Variants in OPHN1 observed in about 807,000 individuals in gnomAD.
OPHN1 encodes oligophrenin-1.
In OPHN1, 11 loss-of-function variants were observed where a neutral mutation model predicts 60.7. The observed-to-expected ratio is 0.18, with a 90% CI of 0.11 to 0.30. The LOEUF (loss-of-function observed/expected upper bound fraction) is 0.30, where lower values mean the gene tolerates loss of function less well. Ranked by LOEUF, OPHN1 falls within the 10% of genes least tolerant of loss-of-function variation. OPHN1 has a pLI of 1.00. For synonymous variants in OPHN1, 226 were observed against 222.6 expected, an observed-to-expected ratio of 1.02 and a Z score of -0.14; for missense variants, 449 against 611.0, an observed-to-expected ratio of 0.73 and a Z score of 2.80.
chrX:68,287,068 AAAGGAAGGAAGG>A (rs199811542), intron 3 of OPHN1, among the ~76,000 whole-genome samples: 1 of 102,581 alleles, frequency 9.7e-6, no homozygotes, highest in Non-Finnish European at 2.0e-5. Context: ...AGAAAGGAAG[AAAGGAAGGAAGG>A]AAGGAAGGAG....
At chrX:68,327,504 T>C (rs1449148941) in intron 2 of OPHN1, among the ~76,000 whole-genome samples, 46 of 29,417 alleles carry the variant, frequency 1.6e-3, no homozygotes, top group Non-Finnish European at 2.3e-3. Flanking sequence ...CTCTGAGACA[T>C]GTGCTGTGTC....
chrX:68,366,841 T>A (rs991772652), intron 2 of OPHN1, among the ~76,000 whole-genome samples: 2 of 112,032 alleles, frequency 1.8e-5, no homozygotes, highest in African/African-American at 6.5e-5. Context: ...ACATGAATTA[T>A]GTTATTTAAT....
intron 15 of OPHN1, among the ~76,000 whole-genome samples, chrX:68,124,360 A>G (rs1323525207): frequency 9.0e-6 from 1 of 111,364 alleles, no homozygotes; most frequent in African/African-American, 3.3e-5. Flanking sequence ...GGAAATAACA[A>G]TTTTAAATAT....
At chrX:68,052,493 T>G (rs2076856127) in intron 23 of OPHN1, 47 bp downstream of exon 23, 3 of 1,105,384 alleles carry the variant, frequency 2.7e-6, no homozygotes, top group East Asian at 3.1e-5. Context: ...AAGGATGCAG[T>G]TATTAAAAGG....
At chrX:68,366,796 G>A (rs2078501069) in intron 2 of OPHN1, among the ~76,000 whole-genome samples, 1 of 111,853 alleles carries the variant, frequency 8.9e-6, no homozygotes, top group Admixed American at 9.6e-5. Context: ...CGTTTATTGA[G>A]CACTTAACTT....
chrX:68,244,976 T>C (rs1054622451), intron 5 of OPHN1, among the ~76,000 whole-genome samples: 2 of 111,874 alleles, frequency 1.8e-5, no homozygotes, highest in African/African-American at 6.5e-5. Context: ...CTAGGTTATA[T>C]ACTAGGAAAG....
intron 6 of OPHN1, among the ~76,000 whole-genome samples, chrX:68,220,938 T>G (rs1188138418): frequency 4.0e-4 from 33 of 82,758 alleles, no homozygotes; most frequent in Non-Finnish European, 6.7e-4. Context: ...CCAGGGCAAT[T>G]AGGCAGGAGA....
intron 15 of OPHN1, among the ~76,000 whole-genome samples, chrX:68,139,089 G>A (rs748230222): frequency 5.4e-5 from 6 of 110,832 alleles, no homozygotes; most frequent in Admixed American, 2.9e-4. Flanking sequence ...AGAAGAACGC[G>A]GAATAATTCT....
intron 6 of OPHN1, among the ~76,000 whole-genome samples, chrX:68,230,771 G>A (rs1159111350): frequency 2.7e-5 from 2 of 74,667 alleles, no homozygotes; most frequent in Non-Finnish European, 4.9e-5. Context: ...ACGTGGGGTG[G>A]GGGGAGGGGG....
intron 22 of OPHN1, among the ~76,000 whole-genome samples, chrX:68,052,864 G>A (rs1047018987): frequency 1.8e-5 from 2 of 112,595 alleles, no homozygotes; most frequent in African/African-American, 6.4e-5. Context: ...AATGAAACCA[G>A]TCTTGATTTC....
chrX:68,336,207 G>A (rs903798826), intron 2 of OPHN1, among the ~76,000 whole-genome samples: 4 of 110,005 alleles, frequency 3.6e-5, no homozygotes, highest in East Asian at 2.8e-4. Context: ...GAGATGTCTT[G>A]TAAAGGAAAT....
intron 15 of OPHN1, among the ~76,000 whole-genome samples, chrX:68,143,484 G>A (rs2147479192): frequency 9.0e-6 from 1 of 110,910 alleles, no homozygotes; most frequent in Non-Finnish European, 1.9e-5. Flanking sequence ...GATGACAAAG[G>A]CCCATCCACA....
At chrX:68,177,850 T>C (rs775287036) in intron 15 of OPHN1, among the ~76,000 whole-genome samples, 19 of 111,736 alleles carry the variant, frequency 1.7e-4, no homozygotes, top group South Asian at 7.5e-4. Context: ...ACCTCCAACA[T>C]TGGAGATTAC....
chrX:68,420,847 GAAA>G (rs34592755), intron 2 of OPHN1, among the ~76,000 whole-genome samples: 2 of 64,993 alleles, frequency 3.1e-5, no homozygotes, highest in Admixed American at 3.7e-4. Context: ...ATTCTCAACA[GAAA>G]AAAAAAAAAA....
At chrX:68,178,847 C>T (rs1490415665) in intron 15 of OPHN1, among the ~76,000 whole-genome samples, 1 of 112,218 alleles carries the variant, frequency 8.9e-6, no homozygotes. Context: ...ACTCTCGGCT[C>T]AAGGTGATAC....
chrX:68,261,292 C>A (rs2077892199), intron 5 of OPHN1, among the ~76,000 whole-genome samples: 1 of 111,047 alleles, frequency 9.0e-6, no homozygotes, highest in Non-Finnish European at 1.9e-5. Context: ...CTGACAAGAC[C>A]CAAAAAATAT....
intron 5 of OPHN1, among the ~76,000 whole-genome samples, chrX:68,244,027 T>C (rs931913181): frequency 2.7e-5 from 3 of 112,508 alleles, no homozygotes; most frequent in African/African-American, 9.7e-5. Flanking sequence ...ATAAAATCCA[T>C]AGTTGTTACT....
chrX:68,296,577 G>C (rs2078096010), intron 3 of OPHN1, among the ~76,000 whole-genome samples: 1 of 104,494 alleles, frequency 9.6e-6, no homozygotes, highest in Non-Finnish European at 1.9e-5. Context: ...AGAATCACTT[G>C]AACCCGGGAG....
At chrX:68,230,157 G>GA (rs1291366686) in intron 6 of OPHN1, among the ~76,000 whole-genome samples, 2 of 111,926 alleles carry the variant, frequency 1.8e-5, no homozygotes, top group Non-Finnish European at 3.8e-5. Context: ...ACAGACACAG[G>GA]AAAAAATGCT....
Sources: gnomAD v4.1 joint callset for allele counts (sites outside exome capture counted in the v4.1 genomes callset) on GRCh38, gnomAD v4.1.1 for gene constraint, MANE v1.5 for transcripts, NCBI Gene and HGNC (gene_info 2026-07-23, HGNC 2026-07-21) for gene names.